The following MGAT4C variants were observed in gnomAD, a reference collection of about 807,000 sequenced individuals.
The protein encoded by MGAT4C is MGAT4 family member C.
A neutral mutation model predicts 40.1 loss-of-function variants in MGAT4C; 19 were observed. That is an observed-to-expected ratio of 0.47 (90% CI 0.33 to 0.70). The LOEUF is 0.70. Among genes scored for constraint, MGAT4C ranks in the 30% least tolerant of loss-of-function variants. The pLI, the probability that MGAT4C is intolerant of heterozygous loss-of-function variation, is 0.02. For synonymous variants in MGAT4C, 181 were observed against 187.1 expected (o/e 0.97, Z 0.27); for missense variants, 491 against 563.2 (o/e 0.87, Z 1.30).
intron 1 of MGAT4C, among the ~76,000 whole-genome samples, chr12:86,134,226 T>C (rs980230046): frequency 1.3e-5 from 2 of 152,088 alleles, no homozygotes; most frequent in Non-Finnish European, 2.9e-5. Flanking sequence ...AGTTCCAAAA[T>C]GTAATATTTT....
rs1404966812 is a variant in MGAT4C, at chr12:85,956,022, G to T, written c.*23267C>A. The T allele has an allele frequency of 6.6e-6, 1 of 152,064 alleles. No homozygotes were observed. The highest frequency in any genetic ancestry group is 2.1e-4 in the South Asian group (1 of 4,836). 9.4% of individuals were successfully genotyped at this position (152,064 alleles called of 1,614,324 possible). On this transcript the variant is annotated 3_prime_UTR_variant, in exon 5 of 5. Transcript: ENST00000611864. ...ATGAATACATATAGTAAAATGTAGA[G>T]GTTTTCAATTGGTTTACAGGAAGTC...
chr12:86,386,601 C>T (rs1956056904), intron 3 of MGAT4C, among the ~76,000 whole-genome samples: 1 of 152,128 alleles, frequency 6.6e-6, no homozygotes, highest in South Asian at 2.1e-4. Context: ...GCCTTCATTT[C>T]AATTACATTA....
At chr12:86,361,600 T>C (rs375983278) in intron 3 of MGAT4C, among the ~76,000 whole-genome samples, 1 of 152,192 alleles carries the variant, frequency 6.6e-6, no homozygotes, top group Non-Finnish European at 1.5e-5. Flanking sequence ...GACAAAGGGC[T>C]AAATCTAGAA....
At chr12:86,184,269 A>G (rs1888466694) in intron 1 of MGAT4C, among the ~76,000 whole-genome samples, 1 of 151,862 alleles carries the variant, frequency 6.6e-6, no homozygotes, top group Non-Finnish European at 1.5e-5. Flanking sequence ...TCCAGGTACT[A>G]GGGAGGCTGA....
At chr12:86,767,568 G>C (rs1257477966) in intron 1 of MGAT4C, among the ~76,000 whole-genome samples, 1 of 152,042 alleles carries the variant, frequency 6.6e-6, no homozygotes, top group Non-Finnish European at 1.5e-5. Flanking sequence ...AACCAAAAAA[G>C]AGAATTTGAG....
chr12:85,977,798 ACACAC>A lies in MGAT4C; in HGVS notation c.*1486_*1490del, dbSNP rs1592587291. 8.3e-6 allele frequency: 1 copy of A among 120,008 alleles called. No individual in the cohort carries two copies. The highest frequency in any genetic ancestry group is 2.0e-4 in the East Asian group (1 of 5,104). 7.4% of individuals were successfully genotyped at this position (120,008 alleles called of 1,614,324 possible). A position where few individuals can be genotyped will look rare whatever the true frequency, so the allele number is the denominator to read the frequency against. Reference sequence around the variant, plus strand: ...CTAGCCTTCACACACACACACACACACACACACACACACACACACACACACACACA... The same window carrying A: ...CTAGCCTTCACACACACACACACACAACACACACACACACACACACACACA... On this transcript the variant is annotated 3_prime_UTR_variant, in exon 5 of 5. Coordinates refer to ENST00000611864, the MANE Select transcript of MGAT4C (RefSeq NM_001351288.2).
chr12:86,714,600 G>A (rs903369205), intron 2 of MGAT4C, among the ~76,000 whole-genome samples: 1 of 152,070 alleles, frequency 6.6e-6, no homozygotes, highest in Non-Finnish European at 1.5e-5. Context: ...CTGCCACCAT[G>A]TAAGACATAC....
At chr12:86,263,989 T>C (rs1952723162) in intron 4 of MGAT4C, among the ~76,000 whole-genome samples, 1 of 152,196 alleles carries the variant, frequency 6.6e-6, no homozygotes. Flanking sequence ...TGTCTATTAA[T>C]GTATTTTGCC....
intron 4 of MGAT4C, among the ~76,000 whole-genome samples, chr12:86,314,544 C>T (rs1954155406): frequency 6.6e-6 from 1 of 152,194 alleles, no homozygotes; most frequent in African/African-American, 2.4e-5. Flanking sequence ...CTAGAAAACA[C>T]TAAAGACCCT....
At chr12:86,349,383 A>T (rs1955109477) in intron 3 of MGAT4C, among the ~76,000 whole-genome samples, 1 of 152,158 alleles carries the variant, frequency 6.6e-6, no homozygotes, top group South Asian at 2.1e-4. Context: ...TTCCACTGCT[A>T]GTAAACGTTG....
rs1284578531 is a variant in MGAT4C at position 85,978,331 on chromosome 12, A to G, written c.*958T>C. On this transcript the variant is annotated 3_prime_UTR_variant, in exon 5 of 5. Coordinates refer to ENST00000611864, the MANE Select transcript of MGAT4C (RefSeq NM_001351288.2). ...TAGATCTTTGATTCTAGAAAAGTCA[A>G]CTAATTTCTATGGTTCTTACTTTTC... 1 of 151,644 alleles carries G rather than the reference A, an allele frequency of 6.6e-6. No individual in the cohort carries two copies. The highest frequency in any genetic ancestry group is 2.4e-5 in the African/African-American group (1 of 41,416). 9.4% of individuals were successfully genotyped at this position (151,644 alleles called of 1,614,324 possible). A position where few individuals can be genotyped will look rare whatever the true frequency, so the allele number is the denominator to read the frequency against.
At chr12:86,091,370 C>T (rs1872848531) in intron 1 of MGAT4C, among the ~76,000 whole-genome samples, 1 of 152,020 alleles carries the variant, frequency 6.6e-6, no homozygotes, top group Non-Finnish European at 1.5e-5. Flanking sequence ...CAGATATTAA[C>T]ATTACCATGA....
chr12:86,122,787 C>CATGT (rs74276062), intron 1 of MGAT4C, among the ~76,000 whole-genome samples: 1 of 151,720 alleles, frequency 6.6e-6, no homozygotes, highest in African/African-American at 2.4e-5. Flanking sequence ...TGTATATGTT[C>CATGT]GTGTGTGTGT....
At chr12:86,375,685 A>G (rs942946989) in intron 3 of MGAT4C, among the ~76,000 whole-genome samples, 2 of 152,046 alleles carry the variant, frequency 1.3e-5, no homozygotes, top group Non-Finnish European at 2.9e-5. Flanking sequence ...TAATTTTTAG[A>G]AGTTAAACTA....
Position 86,833,789 on chromosome 12 carries a change from T to C in MGAT4C, c.-262+4877A>G, listed in dbSNP as rs530996479. On this transcript the variant is annotated intron_variant, in intron 1 of 7. Transcript: ENST00000548651. Reference sequence around the variant, plus strand: ...TTGTTTTGTTTGTTTTTACAAAAAGTAGTTAGCAGCCTGTGTTCTGGAAGC... The same window carrying C: ...TTGTTTTGTTTGTTTTTACAAAAAGCAGTTAGCAGCCTGTGTTCTGGAAGC... Among the ~76,000 whole-genome samples, 11 of 152,018 alleles carry C rather than the reference T, an allele frequency of 7.2e-5. No individual in the cohort carries two copies. In the South Asian group the frequency reaches 1.9e-3, roughly 26 times the overall value.
intron 2 of MGAT4C, among the ~76,000 whole-genome samples, chr12:86,536,608 T>C (rs1368805765): frequency 1.3e-5 from 2 of 152,100 alleles, no homozygotes; most frequent in South Asian, 2.1e-4. Flanking sequence ...TGGTTATCAA[T>C]AGAGAAACAA....
chr12:86,366,716 T>C (rs1019941139), intron 3 of MGAT4C, among the ~76,000 whole-genome samples: 5 of 152,154 alleles, frequency 3.3e-5, no homozygotes, highest in Non-Finnish European at 7.3e-5. Flanking sequence ...GCCTTTAATG[T>C]ATAATAAAGT....
At chr12:86,542,368 C>T (rs5018623) in intron 2 of MGAT4C, among the ~76,000 whole-genome samples, 114,748 of 151,870 alleles carry the variant, frequency 0.76, 45,005 homozygotes, top group Middle Eastern at 0.87. Context: ...ATTCCTAGTT[C>T]AGAAATACAG....
chr12:86,587,511 A>C (rs572020340), intron 2 of MGAT4C, among the ~76,000 whole-genome samples: 3 of 151,986 alleles, frequency 2.0e-5, no homozygotes, highest in African/African-American at 7.2e-5. Context: ...CTTGATGGGG[A>C]TGGCATTGAA....
Sources: gnomAD v4.1 joint callset for allele counts (sites outside exome capture counted in the v4.1 genomes callset) on GRCh38, gnomAD v4.1.1 for gene constraint, MANE v1.5 for transcripts, NCBI Gene and HGNC (gene_info 2026-07-23, HGNC 2026-07-21) for gene names.